C4orf50: variants seen among roughly 807,000 people sequenced by gnomAD.
The protein encoded by C4orf50 is chromosome 4 open reading frame 50.
In C4orf50, 80 loss-of-function variants were observed where a neutral mutation model predicts 77.2. The observed-to-expected ratio is 1.04, with a 90% CI of 0.87 to 1.25. C4orf50 has a LOEUF of 1.25. Among genes scored for constraint, C4orf50 ranks in the 50% most tolerant of loss-of-function variants. The probability of loss-of-function intolerance (pLI) is 0.00; values close to 1 mark genes in which losing one functional copy is unlikely to be tolerated. For synonymous variants in C4orf50, 532 were observed against 465.3 expected, an observed-to-expected ratio of 1.14 and a Z score of -1.84; for missense variants, 1,257 against 1,152.9, an observed-to-expected ratio of 1.09 and a Z score of -1.31.
intron 25 of C4orf50, among the ~76,000 whole-genome samples, chr4:6,004,690 A>G (rs1348084345): frequency 1.5e-5 from 2 of 130,410 alleles, no homozygotes; most frequent in Non-Finnish European, 3.3e-5. Context: ...GGTGGTGGTG[A>G]TGGTGATAAT....
At chr4:5,972,296 C>T (rs570010461) in intron 31 of C4orf50, among the ~76,000 whole-genome samples, 42 of 152,330 alleles carry the variant, frequency 2.8e-4, no homozygotes, top group Non-Finnish European at 5.6e-4. Flanking sequence ...AGCCACCGCG[C>T]CCGGCCTGCT....
intron 29 of C4orf50, among the ~76,000 whole-genome samples, chr4:5,977,719 C>A (rs1720364862): frequency 6.6e-6 from 1 of 152,172 alleles, no homozygotes; most frequent in Non-Finnish European, 1.5e-5. Context: ...AAAATTCCAG[C>A]CTTAAGCAGA....
intron 27 of C4orf50, among the ~76,000 whole-genome samples, chr4:5,991,605 C>A (rs566188220): frequency 1.3e-4 from 20 of 152,284 alleles, no homozygotes; most frequent in Admixed American, 1.2e-3. Flanking sequence ...ATGAAATTTG[C>A]CTTGAGCTAG....
intron 7 of C4orf50, among the ~76,000 whole-genome samples, chr4:5,936,911 G>T (rs1718051581): frequency 6.6e-6 from 1 of 151,992 alleles, no homozygotes; most frequent in African/African-American, 2.4e-5. Context: ...GGCAGTTACA[G>T]CAATAACAGG....
intron 29 of C4orf50, among the ~76,000 whole-genome samples, chr4:5,976,385 G>A (rs1488046631): frequency 6.6e-6 from 1 of 151,338 alleles, no homozygotes; most frequent in Non-Finnish European, 1.5e-5. Context: ...AAACCCAGGA[G>A]GCGGAGCTTG....
intron 7 of C4orf50, among the ~76,000 whole-genome samples, chr4:5,917,518 A>C (rs983523225): frequency 6.9e-6 from 1 of 145,734 alleles, no homozygotes; most frequent in African/African-American, 2.5e-5. Context: ...GGTTCAAGCG[A>C]TACTCCTGCC....
chr4:5,958,003 G>A lies in C4orf50; in HGVS notation c.*1372C>T, dbSNP rs916057310. On this transcript the variant is annotated 3_prime_UTR_variant, in exon 34 of 34. Transcript: ENST00000531445. This position sits in a 1 kb window ranked among gnomAD's most constrained non-coding sequence, Gnocchi z 5.4. ...AAATCTATACACTTTGACACTTCCT[G>A]GGGAGCCGTCAGTTCCTTGTCCTTG... 6.6e-5 allele frequency: 10 copies of A among 152,194 alleles called. No homozygotes were observed. Among genetic ancestry groups the A allele is most frequent in the African/African-American group, 2.4e-4 (10 of 41,436 alleles). The allele number at this position is 152,194 out of a possible 1,614,324, so 9.4% of individuals were successfully genotyped here. A position where few individuals can be genotyped will look rare whatever the true frequency, so the allele number is the denominator to read the frequency against.
intron 7 of C4orf50, among the ~76,000 whole-genome samples, chr4:5,920,977 G>A (rs1717243642): frequency 6.8e-6 from 1 of 146,734 alleles, no homozygotes; most frequent in Admixed American, 6.9e-5. Flanking sequence ...GGCAGGAGCA[G>A]TGGACAGTCA....
chr4:5,930,198 G>A (rs1332604607), intron 7 of C4orf50, among the ~76,000 whole-genome samples: 1 of 152,176 alleles, frequency 6.6e-6, no homozygotes, highest in South Asian at 2.1e-4. Context: ...GTCTCTCTAG[G>A]CCTCAGATTC....
rs998333490 is a variant in C4orf50 at position 5,992,363 on chromosome 4, A to T, written c.1221+440T>A. ...CCTCAGCCTCAGAGCGAGCCATGGG[A>T]GGTGAGTTGGGACGCAGGCTCCTGA... On this transcript the variant is annotated intron_variant, in intron 27 of 33. Coordinates refer to ENST00000531445, the Ensembl canonical transcript of C4orf50. The surrounding 1 kb of genome is among the most constrained non-coding windows in gnomAD (Gnocchi z 5.0). Among the ~76,000 whole-genome samples the T allele has an allele frequency of 6.6e-6, 1 of 151,952 alleles. No individual in the cohort carries two copies. Among genetic ancestry groups the T allele is most frequent in the African/African-American group, 2.4e-5 (1 of 41,346 alleles).
At chr4:5,972,559 G>A (rs749372992) in intron 31 of C4orf50, among the ~76,000 whole-genome samples, 1 of 152,212 alleles carries the variant, frequency 6.6e-6, no homozygotes, top group Non-Finnish European at 1.5e-5. Context: ...TCTCTGCTGT[G>A]CAATGATTTG....
intron 25 of C4orf50, among the ~76,000 whole-genome samples, chr4:6,003,687 TG>T (rs1483544968): frequency 1.3e-5 from 2 of 148,900 alleles, no homozygotes; most frequent in Non-Finnish European, 3.0e-5. Context: ...ATAGTGATGA[TG>T]GTGATGATAG....
chr4:5,938,931 CTGCTTTTT>C (rs1351512941), intron 7 of C4orf50, among the ~76,000 whole-genome samples: 1 of 152,242 alleles, frequency 6.6e-6, no homozygotes, highest in East Asian at 1.9e-4. Flanking sequence ...TCATGCTTCT[CTGCTTTTT>C]TGATTTATGA....
At chr4:5,967,825 A>G (rs1210303444) in intron 31 of C4orf50, among the ~76,000 whole-genome samples, 1 of 152,168 alleles carries the variant, frequency 6.6e-6, no homozygotes, top group East Asian at 1.9e-4. Context: ...CCCTGATTCA[A>G]TCACCCAGGA....
At chr4:5,987,450 T>A (rs1720936212) in intron 28 of C4orf50, among the ~76,000 whole-genome samples, 2 of 119,580 alleles carry the variant, frequency 1.7e-5, no homozygotes, top group Admixed American at 9.0e-5. Context: ...ACAATAAAGG[T>A]CTAAGAAGAA....
At chr4:5,995,427 G>C (rs1184809048) in intron 25 of C4orf50, among the ~76,000 whole-genome samples, 1 of 151,466 alleles carries the variant, frequency 6.6e-6, no homozygotes. Context: ...GGATAATTCA[G>C]AGGCAGCTCC....
chr4:5,967,465 G>C lies in C4orf50; in HGVS notation c.4105-3C>G, dbSNP rs757949415. 1 of 1,613,596 alleles carries C rather than the reference G, an allele frequency of 6.2e-7. No homozygotes were observed. Among genetic ancestry groups the C allele is most frequent in the Admixed American group, 1.7e-5 (1 of 60,022 alleles). ...TTGACGTCCAGGTGGTGGCTTGTCT[G>C]CAAGAAAAGACATCTTGGCGGTTAT... On this transcript the variant is annotated splice_polypyrimidine_tract_variant and splice_region_variant and intron_variant, in intron 31 of 33. Coordinates refer to ENST00000531445, the Ensembl canonical transcript of C4orf50.
intron 28 of C4orf50, among the ~76,000 whole-genome samples, chr4:5,983,171 G>A (rs79202941): frequency 0.085 from 12,959 of 152,204 alleles, 714 homozygotes; most frequent in Non-Finnish European, 0.11. Flanking sequence ...CCTCTCAGCT[G>A]TTCTCCTTCA....
intron 30 of C4orf50, among the ~76,000 whole-genome samples, chr4:5,974,580 G>A (rs1023535463): frequency 5.3e-5 from 8 of 152,148 alleles, no homozygotes; most frequent in African/African-American, 9.7e-5. Context: ...GCAGGTCAGC[G>A]GGAGTCCAGG....
Sources: gnomAD v4.1 joint callset for allele counts (sites outside exome capture counted in the v4.1 genomes callset) on GRCh38, gnomAD v4.1.1 for gene constraint, Gnocchi (gnomAD v3.1) non-coding constraint, MANE v1.5 for transcripts, NCBI Gene and HGNC (gene_info 2026-07-23, HGNC 2026-07-21) for gene names.